The following ZZZ3 variants were observed in gnomAD, a reference collection of about 807,000 sequenced individuals.
ZZZ3 encodes zinc finger ZZ-type containing 3, also known as ZZ-type zinc finger-containing protein 3.
Under a neutral mutation model 95.2 loss-of-function variants are expected in ZZZ3, and 22 were observed. The observed-to-expected ratio is 0.23, with a 90% CI of 0.17 to 0.33. The LOEUF (loss-of-function observed/expected upper bound fraction) is 0.33, where lower values mean the gene tolerates loss of function less well. Among genes scored for constraint, ZZZ3 ranks in the 10% least tolerant of loss-of-function variants. The probability of loss-of-function intolerance (pLI) is 1.00; values close to 1 mark genes in which losing one functional copy is unlikely to be tolerated. For synonymous variants in ZZZ3, 335 were observed against 358.9 expected, an observed-to-expected ratio of 0.93 and a Z score of 0.75; for missense variants, 885 against 1,066.5, an observed-to-expected ratio of 0.83 and a Z score of 2.37.
At chr1:77,590,652 G>T (rs1487368119) in intron 5 of ZZZ3, among the ~76,000 whole-genome samples, 1 of 152,186 alleles carries the variant, frequency 6.6e-6, no homozygotes, top group Non-Finnish European at 1.5e-5. Flanking sequence ...CCCCCCAGGG[G>T]GTTAAACAGC....
At chr1:77,578,723 C>T (rs1662209717) in intron 11 of ZZZ3, 51 bp downstream of exon 11, 7 of 1,082,360 alleles carry the variant, frequency 6.5e-6, no homozygotes, top group Non-Finnish European at 6.3e-6. Flanking sequence ...CATAGCAATT[C>T]TTACTTTAAT....
chr1:77,659,517 T>C (rs1570634572), intron 1 of ZZZ3, among the ~76,000 whole-genome samples: 1 of 151,404 alleles, frequency 6.6e-6, no homozygotes, highest in Non-Finnish European at 1.5e-5. Flanking sequence ...TAAAACCCCA[T>C]CTCTATTAAA....
chr1:77,631,777 C>G, intron 5 of ZZZ3, 73 bp downstream of exon 5: 1 of 1,256,724 alleles, frequency 8.0e-7, no homozygotes, highest in South Asian at 1.6e-5. Flanking sequence ...AATAAAAACA[C>G]TACGAATAGA....
At chr1:77,625,726 A>C (rs926668393) in intron 5 of ZZZ3, among the ~76,000 whole-genome samples, 2 of 152,118 alleles carry the variant, frequency 1.3e-5, no homozygotes, top group African/African-American at 4.8e-5. Context: ...ATGGTGGCTC[A>C]CACCTGTAAT....
At chr1:77,664,270 T>C (rs1263274618) in intron 1 of ZZZ3, among the ~76,000 whole-genome samples, 2 of 152,140 alleles carry the variant, frequency 1.3e-5, no homozygotes, top group African/African-American at 4.8e-5. Context: ...TTTCAGTACC[T>C]TAAAGAAGAA....
chr1:77,625,708 A>G (rs1340002858), intron 5 of ZZZ3, among the ~76,000 whole-genome samples: 1 of 152,196 alleles, frequency 6.6e-6, no homozygotes, highest in South Asian at 2.1e-4. Flanking sequence ...GAAAAGGTTA[A>G]GCCAGGCATG....
intron 1 of ZZZ3, among the ~76,000 whole-genome samples, chr1:77,645,917 G>A (rs575237203): frequency 2.0e-5 from 3 of 147,022 alleles, no homozygotes; most frequent in African/African-American, 7.6e-5. Flanking sequence ...GTTGCAGTGA[G>A]CCGAGATCAC....
At chr1:77,654,312 A>G (rs1246716788) in intron 1 of ZZZ3, among the ~76,000 whole-genome samples, 1 of 152,180 alleles carries the variant, frequency 6.6e-6, no homozygotes, top group Non-Finnish European at 1.5e-5. Flanking sequence ...GGAAAAAAAT[A>G]ATCCTAATTC....
At chr1:77,642,369 G>A (rs1316133708) in intron 1 of ZZZ3, among the ~76,000 whole-genome samples, 4 of 152,138 alleles carry the variant, frequency 2.6e-5, no homozygotes, top group Non-Finnish European at 5.9e-5. Flanking sequence ...AGAAAGCAGC[G>A]TATGAATGGC....
At chr1:77,586,113 G>A (rs1663053204) in intron 5 of ZZZ3, among the ~76,000 whole-genome samples, 1 of 152,158 alleles carries the variant, frequency 6.6e-6, no homozygotes, top group African/African-American at 2.4e-5. Flanking sequence ...GCTTTGAGGT[G>A]TATGCAGTGT....
At chr1:77,638,626 C>T (rs908401321) in intron 4 of ZZZ3, among the ~76,000 whole-genome samples, 40 of 152,296 alleles carry the variant, frequency 2.6e-4, no homozygotes, top group African/African-American at 9.1e-4. Flanking sequence ...AATCTTCCAT[C>T]ACACCAATGG....
intron 5 of ZZZ3, among the ~76,000 whole-genome samples, chr1:77,598,344 A>G (rs1316734548): frequency 6.6e-6 from 1 of 152,182 alleles, no homozygotes; most frequent in Non-Finnish European, 1.5e-5. Context: ...AAAGGTCTTC[A>G]TCTTCATTAT....
intron 5 of ZZZ3, among the ~76,000 whole-genome samples, chr1:77,612,465 A>T (rs999544162): frequency 6.6e-6 from 1 of 152,054 alleles, no homozygotes; most frequent in African/African-American, 2.4e-5. Context: ...AGATGCCCAG[A>T]GGCATAAAGA....
chr1:77,640,368 A>G (rs548671256), intron 3 of ZZZ3, among the ~76,000 whole-genome samples: 8 of 152,226 alleles, frequency 5.3e-5, no homozygotes, highest in Admixed American at 4.6e-4. Context: ...TGGGAGGCCA[A>G]GACAGGTGGA....
At position 77,562,492 on chromosome 1, in the gene ZZZ3, T is replaced by TA. The variant is rs1660498124; in HGVS notation, c.*3147dup. On this transcript the variant is annotated 3_prime_UTR_variant, in exon 15 of 15. Coordinates refer to ENST00000370801, the MANE Select transcript of ZZZ3 (RefSeq NM_015534.6). ...AAAAGACATTTCACAAAACAATATT[T>TA]ATCTTTATTACATGTGATGTACCAT... The TA allele has an allele frequency of 1.3e-5, 2 of 152,176 alleles. No homozygotes were observed. Among genetic ancestry groups the TA allele is most frequent in the Non-Finnish European group, 2.9e-5 (2 of 68,002 alleles). 9.4% of individuals were successfully genotyped at this position (152,176 alleles called of 1,614,324 possible).
intron 5 of ZZZ3, among the ~76,000 whole-genome samples, chr1:77,626,857 C>A (rs1570547661): frequency 6.6e-6 from 1 of 152,152 alleles, no homozygotes; most frequent in East Asian, 1.9e-4. Context: ...TGAAATCAAG[C>A]TACAGCCATA....
At chr1:77,572,208 TTAAA>T (rs1661455025) in intron 12 of ZZZ3, among the ~76,000 whole-genome samples, 2 of 152,378 alleles carry the variant, frequency 1.3e-5, no homozygotes, top group African/African-American at 2.4e-5. Context: ...GCACTCATTT[TTAAA>T]TAAATAAACT....
intron 1 of ZZZ3, among the ~76,000 whole-genome samples, chr1:77,662,612 T>C (rs1401188170): frequency 6.6e-6 from 1 of 152,132 alleles, no homozygotes; most frequent in African/African-American, 2.4e-5. Flanking sequence ...CCTGGCCTAA[T>C]CTCTTAAAAA....
chr1:77,581,669 T>C, intron 8 of ZZZ3, 107 bp downstream of exon 8: 1 of 852,786 alleles, frequency 1.2e-6, no homozygotes, highest in Non-Finnish European at 1.8e-6. Context: ...ATCTCCTTTA[T>C]CTTCCAGTGA....
Sources: allele counts gnomAD v4.1 joint callset (sites outside exome capture counted in the v4.1 genomes callset), GRCh38; gene constraint gnomAD v4.1.1; transcripts MANE v1.5; gene names NCBI Gene and HGNC (gene_info 2026-07-23, HGNC 2026-07-21).